TRIM36: variants seen among roughly 807,000 people sequenced by gnomAD.
The protein encoded by TRIM36 is tripartite motif containing 36.
TRIM36 carries 42 observed loss-of-function variants against 72.4 expected under a neutral mutation model. The ratio of observed to expected loss-of-function variants is 0.58; its 90% CI spans 0.45 to 0.75. The LOEUF (loss-of-function observed/expected upper bound fraction) is 0.75. TRIM36 is among the 30% of genes least tolerant of loss of function. TRIM36 has a pLI of 0.00. For missense variants in TRIM36, 913 were observed against 857.1 expected (o/e 1.07, Z -0.81); for synonymous variants, 315 against 282.8 (o/e 1.11, Z -1.14).
intron 1 of TRIM36, among the ~76,000 whole-genome samples, chr5:115,178,334 G>C (rs1755440354): frequency 1.3e-5 from 2 of 152,070 alleles, no homozygotes; most frequent in Non-Finnish European, 2.9e-5. Flanking sequence ...TTTCCTCCCT[G>C]CCCCCTAGCC....
upstream of TRIM36, among the ~76,000 whole-genome samples, chr5:115,173,612 T>C (rs1755215198): frequency 6.6e-6 from 1 of 152,084 alleles, no homozygotes; most frequent in African/African-American, 2.4e-5. Context: ...ATAAGTCTGG[T>C]AAAGTATGGA....
chr5:115,170,239 G>C (rs1452889651), upstream of TRIM36, among the ~76,000 whole-genome samples: 1 of 151,632 alleles, frequency 6.6e-6, no homozygotes, highest in Non-Finnish European at 1.5e-5. Context: ...GGCGGGTGCC[G>C]AGGGCGGCGC....
intron 4 of TRIM36, among the ~76,000 whole-genome samples, chr5:115,143,714 T>C (rs1005023258): frequency 6.6e-6 from 1 of 152,102 alleles, no homozygotes; most frequent in African/African-American, 2.4e-5. Flanking sequence ...ACAAAATGGG[T>C]AGTAGGTACA....
At chr5:115,177,476 C>A in intron 1 of TRIM36, 1 of 1,187,342 alleles carries the variant, frequency 8.4e-7, no homozygotes, top group Non-Finnish European at 1.1e-6. Context: ...ACATTACAAA[C>A]CCGAACTACA....
chr5:115,163,004 C>T (rs1475823159), intron 2 of TRIM36, among the ~76,000 whole-genome samples: 2 of 150,642 alleles, frequency 1.3e-5, no homozygotes, highest in African/African-American at 4.9e-5. Flanking sequence ...GTTGCCCAGG[C>T]TGGAGTGCAA....
rs1461947166 is a variant in TRIM36, at chr5:115,137,505, G to A, written c.943C>T (p.Leu315=). 2.5e-6 allele frequency: 4 copies of A among 1,614,044 alleles called. No homozygotes were observed. Among genetic ancestry groups the A allele is most frequent in the South Asian group, 2.2e-5 (2 of 91,076 alleles). ...TGAGTCTGAAATTTGTCTAATCTTA[G>A]TTTCTTAGAGGAGTCAATTGCTTTC... ...VLKAIDSSKK[L]RLDKFQTQME... The change falls in exon 6 of 10, where the codon CTA becomes TTA. Residue 315 remains leucine, a synonymous_variant. Transcript: ENST00000513154.
intron 1 of TRIM36, chr5:115,177,172 T>C (rs1234669727): frequency 6.6e-6 from 1 of 152,550 alleles, no homozygotes; most frequent in African/African-American, 2.4e-5. Flanking sequence ...GAGGTGGGCA[T>C]GAACTTAGAC....
chr5:115,179,825 G>T, intron 1 of TRIM36: 2 of 707,206 alleles, frequency 2.8e-6, no homozygotes, highest in South Asian at 1.8e-5. Context: ...TTCCGCAGCT[G>T]CTGGGACGCC....
upstream of TRIM36, among the ~76,000 whole-genome samples, chr5:115,173,082 C>T (rs893728247): frequency 6.6e-6 from 1 of 152,240 alleles, no homozygotes; most frequent in African/African-American, 2.4e-5. Flanking sequence ...CTGATCATTT[C>T]TGTCTCCCTG....
At chr5:115,171,034 G>C, upstream of TRIM36, 1 of 1,605,624 alleles carries the variant, frequency 6.2e-7, no homozygotes, top group South Asian at 1.1e-5. Flanking sequence ...CTATGTATTA[G>C]GCTTTAAGAA....
chr5:115,126,904 T>C (rs936205229), intron 9 of TRIM36, 47 bp from the exon 10 acceptor site: 6 of 1,519,794 alleles, frequency 3.9e-6, no homozygotes, highest in Admixed American at 2.1e-5. Context: ...TAGATCTAAG[T>C]ATCTTCAAAA....
At chr5:115,153,201 C>A (rs1753987917) in intron 2 of TRIM36, among the ~76,000 whole-genome samples, 1 of 152,116 alleles carries the variant, frequency 6.6e-6, no homozygotes, top group Admixed American at 6.5e-5. Context: ...AAAGACATTT[C>A]ATGTGAATGG....
chr5:115,169,867 C>T lies in TRIM36; in HGVS notation c.-233G>A. 2 of 1,305,878 alleles carry T rather than the reference C, an allele frequency of 1.5e-6. No homozygotes were observed. Among genetic ancestry groups the T allele is most frequent in the Non-Finnish European group, 1.9e-6 (2 of 1,026,342 alleles). The allele number at this position is 1,305,878 out of a possible 1,614,324, so 80.9% of individuals were successfully genotyped here. A position where few individuals can be genotyped will look rare whatever the true frequency, so the allele number is the denominator to read the frequency against. On this transcript the variant is annotated 5_prime_UTR_variant, in exon 1 of 10. Transcript: ENST00000513154. ...TGCTCCCAGCGACTACCCCGGGAATCCCGCCCAGCTGCCGGCTGCAGCAGC... is the reference window on the plus strand; with the variant it reads ...TGCTCCCAGCGACTACCCCGGGAATTCCGCCCAGCTGCCGGCTGCAGCAGC...
intron 1 of TRIM36, among the ~76,000 whole-genome samples, chr5:115,166,138 C>A (rs1039826806): frequency 3.3e-5 from 5 of 152,158 alleles, no homozygotes; most frequent in African/African-American, 1.2e-4. Flanking sequence ...AGGGACAGGT[C>A]CCTGCTGAAA....
At chr5:115,171,072 G>A (rs192635806), upstream of TRIM36, 2 of 1,613,892 alleles carry the variant, frequency 1.2e-6, no homozygotes, top group African/African-American at 1.3e-5. Flanking sequence ...TGGGTAAGTA[G>A]GGACTACAGA....
intron 2 of TRIM36, 99 bp from the exon 3 acceptor site, chr5:115,147,493 T>G: frequency 7.4e-7 from 1 of 1,343,590 alleles, no homozygotes; most frequent in African/African-American, 1.5e-5. Flanking sequence ...TACAAATGTA[T>G]CACAAAAACA....
upstream of TRIM36, chr5:115,169,978 G>A: frequency 3.5e-6 from 4 of 1,145,292 alleles, no homozygotes; most frequent in Admixed American, 4.8e-5. Context: ...TGGCCTGGTC[G>A]TTGCCCAGGC....
chr5:115,150,277 T>C (rs539326954), intron 2 of TRIM36, among the ~76,000 whole-genome samples: 2 of 152,220 alleles, frequency 1.3e-5, no homozygotes, highest in South Asian at 4.1e-4. Context: ...TCCATGGCTG[T>C]GTCATCTGAT....
chr5:115,132,962 T>A (rs1432632490), intron 8 of TRIM36, among the ~76,000 whole-genome samples: 1 of 152,252 alleles, frequency 6.6e-6, no homozygotes, highest in Middle Eastern at 3.2e-3. Flanking sequence ...CAATCTTCCA[T>A]GTTTGTATTC....
Sources: allele counts gnomAD v4.1 joint callset (sites outside exome capture counted in the v4.1 genomes callset), GRCh38; gene constraint gnomAD v4.1.1; transcripts MANE v1.5; gene names NCBI Gene and HGNC (gene_info 2026-07-23, HGNC 2026-07-21).